SPATS2L: variants seen among roughly 807,000 people sequenced by gnomAD.
SPATS2L encodes spermatogenesis associated serine rich 2 like, also known as SPATS2-like protein.
SPATS2L carries 30 observed loss-of-function variants against 59.6 expected under a neutral mutation model. That is an observed-to-expected ratio of 0.50 (90% CI 0.38 to 0.68). The LOEUF is 0.68. Among genes scored for constraint, SPATS2L ranks in the 30% least tolerant of loss-of-function variants. The pLI, the probability that SPATS2L is intolerant of heterozygous loss-of-function variation, is 0.00. For missense variants in SPATS2L, 615 were observed against 700.0 expected, an observed-to-expected ratio of 0.88 and a Z score of 1.37; for synonymous variants, 252 against 263.5, an observed-to-expected ratio of 0.96 and a Z score of 0.42.
chr2:200,307,852 T>G (rs757483364), intron 1 of SPATS2L, among the ~76,000 whole-genome samples: 40 of 152,368 alleles, frequency 2.6e-4, no homozygotes, highest in South Asian at 1.0e-3. Context: ...TTTGGAGACC[T>G]GACACTTTTC....
At chr2:200,448,195 A>G (rs528605088) in intron 8 of SPATS2L, among the ~76,000 whole-genome samples, 6 of 152,294 alleles carry the variant, frequency 3.9e-5, no homozygotes, top group South Asian at 4.2e-4. Flanking sequence ...TAATCCCAGC[A>G]CTTTGGGAGG....
chr2:200,404,009 T>C (rs960079631), intron 3 of SPATS2L, among the ~76,000 whole-genome samples: 2 of 152,226 alleles, frequency 1.3e-5, no homozygotes, highest in African/African-American at 2.4e-5. Flanking sequence ...TTTTCTCCTT[T>C]CTCTGAATTC....
chr2:200,314,031 A>G (rs2079278962), intron 1 of SPATS2L, among the ~76,000 whole-genome samples: 2 of 152,178 alleles, frequency 1.3e-5, no homozygotes, highest in South Asian at 4.1e-4. Context: ...CTCATTCTGC[A>G]CGTTTGCCCT....
intron 10 of SPATS2L, among the ~76,000 whole-genome samples, chr2:200,468,265 C>T (rs1405852309): frequency 6.7e-6 from 1 of 149,788 alleles, no homozygotes; most frequent in Non-Finnish European, 1.5e-5. Context: ...GAAATAGTTA[C>T]CAGGAAGGCA....
In SPATS2L at chr2:200,477,737, A is replaced by G. The variant is rs755188798; in HGVS notation, c.1383A>G (p.Pro461=). The change falls in exon 13 of 13, where the codon CCA becomes CCG. Residue 461 remains proline, a synonymous_variant. Coordinates refer to ENST00000409140, the MANE Select transcript of SPATS2L (RefSeq NM_001100423.2). ...AGGGCAGTGGGAATGAAGCCGAGCC[A>G]CTGGGAAAGGGCAACAGCCGCCACG... The part of the protein sequence containing the change: ...KSQGSGNEAE[P]LGKGNSRHEH... 1 of 1,575,198 alleles carries G rather than the reference A, an allele frequency of 6.3e-7. No individual in the cohort carries two copies. Among genetic ancestry groups the G allele is most frequent in the Non-Finnish European group, 8.6e-7 (1 of 1,160,446 alleles).
At chr2:200,407,165 T>C (rs937731608) in intron 3 of SPATS2L, among the ~76,000 whole-genome samples, 4 of 151,822 alleles carry the variant, frequency 2.6e-5, no homozygotes, top group South Asian at 2.1e-4. Flanking sequence ...TGAAACACTT[T>C]ACAGGCATCA....
chr2:200,467,263 A>G, intron 9 of SPATS2L, 27 bp from the exon 10 acceptor site: 2 of 1,452,376 alleles, frequency 1.4e-6, no homozygotes, highest in Non-Finnish European at 1.9e-6. Flanking sequence ...CTCTGGCCCT[A>G]ATGTATGACT....
intron 1 of SPATS2L, among the ~76,000 whole-genome samples, chr2:200,328,038 T>C (rs1347520494): frequency 2.0e-5 from 3 of 152,186 alleles, no homozygotes; most frequent in Non-Finnish European, 4.4e-5. Flanking sequence ...AAGCATCCCA[T>C]TGGTTTTCTT....
chr2:200,388,289 A>C (rs1473076599), intron 2 of SPATS2L, among the ~76,000 whole-genome samples: 2 of 152,084 alleles, frequency 1.3e-5, no homozygotes, highest in African/African-American at 4.8e-5. Flanking sequence ...AAGACTGCAG[A>C]GGACAGGTGC....
chr2:200,462,343 C>T (rs746163574), intron 9 of SPATS2L, among the ~76,000 whole-genome samples: 1 of 152,232 alleles, frequency 6.6e-6, no homozygotes, highest in Non-Finnish European at 1.5e-5. Flanking sequence ...CTTACTCAAT[C>T]AGTAAACACA....
At chr2:200,458,398 G>A (rs1016040288) in intron 8 of SPATS2L, among the ~76,000 whole-genome samples, 1 of 151,740 alleles carries the variant, frequency 6.6e-6, no homozygotes, top group Non-Finnish European at 1.5e-5. Flanking sequence ...AGTTCATATC[G>A]TATACTTCCA....
intron 9 of SPATS2L, among the ~76,000 whole-genome samples, chr2:200,463,710 A>G (rs1204416046): frequency 6.6e-6 from 1 of 152,204 alleles, no homozygotes; most frequent in African/African-American, 2.4e-5. Context: ...TTCACTAGAG[A>G]TACGGGAAGA....
At chr2:200,342,967 A>C (rs1012762533) in intron 2 of SPATS2L, among the ~76,000 whole-genome samples, 1 of 152,240 alleles carries the variant, frequency 6.6e-6, no homozygotes, top group Non-Finnish European at 1.5e-5. Context: ...TAAATAAAAA[A>C]ATTTCAAATA....
intron 1 of SPATS2L, among the ~76,000 whole-genome samples, chr2:200,326,413 A>G (rs2079744163): frequency 6.6e-6 from 1 of 152,214 alleles, no homozygotes; most frequent in South Asian, 2.1e-4. Context: ...AAAAATTACC[A>G]ATAATCCTTC....
intron 12 of SPATS2L, among the ~76,000 whole-genome samples, chr2:200,477,226 A>G (rs2087598128): frequency 6.6e-6 from 1 of 152,060 alleles, no homozygotes; most frequent in Non-Finnish European, 1.5e-5. Context: ...TCTGTGTACA[A>G]TTTCTGTGCC....
chr2:200,420,825 T>G (rs1469619713), intron 6 of SPATS2L, among the ~76,000 whole-genome samples: 1 of 152,128 alleles, frequency 6.6e-6, no homozygotes, highest in Non-Finnish European at 1.5e-5. Context: ...ACAGATTAAT[T>G]CTTTGTTGTG....
At chr2:200,439,419 T>TC in intron 7 of SPATS2L, 91 bp downstream of exon 7, 21 of 1,091,378 alleles carry the variant, frequency 1.9e-5, no homozygotes, top group Non-Finnish European at 2.7e-5. Context: ...AGATGCTGCT[T>TC]AGTGAAGAGA....
chr2:200,469,295 T>C (rs1264717307), intron 10 of SPATS2L, among the ~76,000 whole-genome samples: 1 of 152,238 alleles, frequency 6.6e-6, no homozygotes, highest in Non-Finnish European at 1.5e-5. Flanking sequence ...TCTGTTTTCC[T>C]TGCCATTGCT....
At chr2:200,477,515 T>TAAAAAAAAAAAAAAAAAAACA (rs2087631323) in intron 12 of SPATS2L, 121 bp from the exon 13 acceptor site, 1 of 268,514 alleles carries the variant, frequency 3.7e-6, no homozygotes, top group Non-Finnish European at 5.9e-6. Context: ...TTCTGGTGTA[T>TAAAAAAAAAAAAAAAAAAACA]AAAAAAAAAA....
Sources: gnomAD v4.1 joint callset for allele counts (sites outside exome capture counted in the v4.1 genomes callset) on GRCh38, gnomAD v4.1.1 for gene constraint, MANE v1.5 for transcripts, NCBI Gene and HGNC (gene_info 2026-07-23, HGNC 2026-07-21) for gene names.